ACP6: variants seen among roughly 807,000 people sequenced by gnomAD.
ACP6 encodes acid phosphatase 6, lysophosphatidic.
In ACP6, 48 loss-of-function variants were observed where a neutral mutation model predicts 48.1. The observed-to-expected ratio is 1.00, with a 90% CI of 0.79 to 1.27. ACP6 has a LOEUF of 1.27. Among genes scored for constraint, ACP6 ranks in the 50% most tolerant of loss-of-function variants. The pLI is 0.00. For synonymous variants in ACP6, 172 were observed against 204.2 expected, an observed-to-expected ratio of 0.84 and a Z score of 1.34; for missense variants, 485 against 529.1, an observed-to-expected ratio of 0.92 and a Z score of 0.82.
At chr1:147,666,740 T>A (rs1553213705) in intron 1 of ACP6, among the ~76,000 whole-genome samples, 1 of 152,204 alleles carries the variant, frequency 6.6e-6, no homozygotes, top group Admixed American at 6.5e-5. Flanking sequence ...GCATGTGTAT[T>A]TTTTAAAGCT....
chr1:147,665,235 T>C (rs1317774376), intron 1 of ACP6, among the ~76,000 whole-genome samples: 1 of 152,148 alleles, frequency 6.6e-6, no homozygotes, highest in Non-Finnish European at 1.5e-5. Context: ...TACATCACAA[T>C]TGGAATGGGA....
In ACP6 at chr1:147,670,266, C is replaced by G; in HGVS notation, c.-218G>C. The G allele has an allele frequency of 2.0e-6, 1 of 505,330 alleles. No homozygotes were observed. Among genetic ancestry groups the G allele is most frequent in the Non-Finnish European group, 3.5e-6 (1 of 283,586 alleles). 31.3% of individuals were successfully genotyped at this position (505,330 alleles called of 1,614,324 possible). On this transcript the variant is annotated 5_prime_UTR_variant, in exon 1 of 10. Transcript: ENST00000583509. ...ACAAGAGGTGGCAGCAGCGAAGAGT[C>G]CCTGGGAGTTTTAACCCGGGTCGGG...
chr1:147,655,777 TTGC>T (rs1161701264), intron 4 of ACP6, among the ~76,000 whole-genome samples: 5 of 152,194 alleles, frequency 3.3e-5, no homozygotes, highest in Non-Finnish European at 5.9e-5. Context: ...TTTAGATGAA[TTGC>T]TGGTCTAACC....
chr1:147,634,779 C>T (rs1455286036), intron 5 of ACP6, among the ~76,000 whole-genome samples: 2 of 152,156 alleles, frequency 1.3e-5, no homozygotes, highest in Admixed American at 1.3e-4. Flanking sequence ...CAGGAGTGGT[C>T]CCACCCTGAG....
intron 6 of ACP6, among the ~76,000 whole-genome samples, chr1:147,652,930 C>T (rs587629401): frequency 3.9e-5 from 6 of 152,378 alleles, no homozygotes; most frequent in Non-Finnish European, 8.8e-5. Flanking sequence ...GGGTTCACGC[C>T]ATTTTCCTGT....
chr1:147,640,643 A>G (rs1659423114), downstream of ACP6, among the ~76,000 whole-genome samples: 1 of 152,202 alleles, frequency 6.6e-6, no homozygotes, highest in Non-Finnish European at 1.5e-5. Context: ...TCACACAGGT[A>G]GTAGGTACAG....
In ACP6 at chr1:147,652,463, C is replaced by T. The variant is rs782720385; in HGVS notation, c.867G>A (p.Leu289=). Residue 289 remains leucine (L), a synonymous_variant, in exon 7 of 10, where the codon CTG becomes CTA. Coordinates refer to ENST00000583509, the MANE Select transcript of ACP6 (RefSeq NM_016361.5). ...GAGCCCCTCACCTGTCTTCCTTGGG[C>T]AGTATGTACAAGGATGTGTCCACAG... ...QRAVDTSLYI[L]PKEDRESLQM... is the part of the protein sequence containing the mutation. The T allele has an allele frequency of 6.2e-6, 10 of 1,613,220 alleles. No individual in the cohort carries two copies. Among genetic ancestry groups the T allele is most frequent in the Non-Finnish European group, 7.6e-6 (9 of 1,179,678 alleles).
intron 5 of ACP6, among the ~76,000 whole-genome samples, chr1:147,632,227 T>C (rs1187411258): frequency 1.7e-5 from 2 of 115,298 alleles, no homozygotes; most frequent in Admixed American, 8.7e-5. Context: ...ACACACACCA[T>C]CATTTTGTAT....
intron 9 of ACP6, 28 bp downstream of exon 9, chr1:147,648,217 AC>A (rs782144310): frequency 6.2e-7 from 1 of 1,611,610 alleles, no homozygotes; most frequent in Non-Finnish European, 8.5e-7. Flanking sequence ...GTGCCTCACC[AC>A]CACCCAACCC....
intron 1 of ACP6, among the ~76,000 whole-genome samples, chr1:147,660,917 C>T (rs1377819011): frequency 6.6e-6 from 1 of 152,040 alleles, no homozygotes; most frequent in Non-Finnish European, 1.5e-5. Flanking sequence ...TAAAGTTAAC[C>T]TTTTAGTAAC....
rs1659575975 is a variant in ACP6, at chr1:147,645,186, C to G, written c.*2237G>C. On this transcript the variant is annotated 3_prime_UTR_variant, in exon 10 of 10. Transcript: ENST00000583509. ...GTAGCTGGGATTACATCACATTGTA[C>G]TCCATAAATATAATAATTTTATAAA... is the stretch of plus-strand genomic sequence containing the variant. The G allele has an allele frequency of 6.6e-6, 1 of 151,022 alleles. No individual in the cohort carries two copies. The highest frequency in any genetic ancestry group is 2.4e-5 in the African/African-American group (1 of 41,308). The allele number at this position is 151,022 out of a possible 1,614,324, so 9.4% of individuals were successfully genotyped here. A position where few individuals can be genotyped will look rare whatever the true frequency, so the allele number is the denominator to read the frequency against.
At position 147,650,143 on chromosome 1, in the gene ACP6, C is replaced by T. The variant is rs587628195; in HGVS notation, c.977G>A (p.Arg326Lys). The change falls in exon 8 of 10, where the codon AGA becomes AAA. Residue 326 changes from arginine (R) to lysine (K), a missense_variant and splice_region_variant. Physicochemically the swap from Arg to Lys is conservative, Grantham distance 26 (BLOSUM62 2). Transcript: ENST00000583509. Reference sequence around the variant, plus strand: ...AAAGCAGAGTTGCTGTGCCAGGTACCTGATCTTGTCGGGGGCAGTGGCAGA... The same window carrying T: ...AAAGCAGAGTTGCTGTGCCAGGTACTTGATCTTGTCGGGGGCAGTGGCAGA... ...MDSATAPDKIRKLYLYAAHDV... is the reference protein window; with the variant it reads ...MDSATAPDKIKKLYLYAAHDV... 6.2e-7 allele frequency: 1 copy of T among 1,606,222 alleles called. No individual in the cohort carries two copies. Among genetic ancestry groups the T allele is most frequent in the African/African-American group, 1.3e-5 (1 of 74,596 alleles).
At chr1:147,659,257 G>A (rs1660408689) in intron 3 of ACP6, 139 bp downstream of exon 3, 1 of 1,263,154 alleles carries the variant, frequency 7.9e-7, no homozygotes, top group Non-Finnish European at 1.1e-6. Flanking sequence ...CAGATCCTGT[G>A]ACATAAGGGT....
At chr1:147,655,315 C>G (rs1396483101) in intron 4 of ACP6, 67 bp from the exon 5 acceptor site, 42 of 1,180,830 alleles carry the variant, frequency 3.6e-5, no homozygotes, top group East Asian at 3.3e-4. Flanking sequence ...ATCTCCACCC[C>G]CTTCTCTTTG....
chr1:147,670,127 G>T lies in ACP6; in HGVS notation c.-79C>A. 2.9e-6 allele frequency: 4 copies of T among 1,360,592 alleles called. No homozygotes were observed. Among genetic ancestry groups the T allele is most frequent in the Non-Finnish European group, 3.9e-6 (4 of 1,031,664 alleles). The allele number at this position is 1,360,592 out of a possible 1,614,324, so 84.3% of individuals were successfully genotyped here. A position where few individuals can be genotyped will look rare whatever the true frequency, so the allele number is the denominator to read the frequency against. On this transcript the variant is annotated 5_prime_UTR_variant, in exon 1 of 10. Transcript: ENST00000583509. ...TCTTCTGCGGGCGCCGGGGCTCAGC[G>T]GGCGCCCCCAAGTCCGCGGGAACCT... is the stretch of plus-strand genomic sequence containing the variant.
At chr1:147,661,091 CT>C (rs1553212635) in intron 1 of ACP6, among the ~76,000 whole-genome samples, 1 of 152,174 alleles carries the variant, frequency 6.6e-6, no homozygotes, top group East Asian at 1.9e-4. Context: ...ATATTCCAAA[CT>C]TTTTCATTAC....
intron 1 of ACP6, 85 bp downstream of exon 1, chr1:147,669,745 G>T: frequency 2.9e-6 from 4 of 1,370,620 alleles, no homozygotes; most frequent in Non-Finnish European, 3.9e-6. Context: ...CGCGAGTAAA[G>T]CTCTGAAGAT....
downstream of ACP6, among the ~76,000 whole-genome samples, chr1:147,637,828 T>C (rs1659338246): frequency 6.6e-6 from 1 of 152,212 alleles, no homozygotes; most frequent in South Asian, 2.1e-4. Context: ...AAGACATCTA[T>C]CATTTATTCA....
intron 5 of ACP6, among the ~76,000 whole-genome samples, chr1:147,632,959 C>T (rs916990489): frequency 8.5e-5 from 13 of 152,128 alleles, no homozygotes; most frequent in South Asian, 6.2e-4. Flanking sequence ...GAATCAAACA[C>T]GATGTGGTGA....
Sources: allele counts gnomAD v4.1 joint callset (sites outside exome capture counted in the v4.1 genomes callset), GRCh38; gene constraint gnomAD v4.1.1; transcripts MANE v1.5; gene names NCBI Gene and HGNC (gene_info 2026-07-23, HGNC 2026-07-21).